C4orf54: variants seen among roughly 807,000 people sequenced by gnomAD.
C4orf54 encodes the protein uncharacterized protein C4orf54.
In C4orf54, 67 loss-of-function variants were observed where a neutral mutation model predicts 80.1. That is an observed-to-expected ratio of 0.84 (90% CI 0.69 to 1.03). The LOEUF (loss-of-function observed/expected upper bound fraction) is 1.03, where lower values mean the gene tolerates loss of function less well. Among genes scored for constraint, C4orf54 ranks in the 50% least tolerant of loss-of-function variants. The pLI, the probability that C4orf54 is intolerant of heterozygous loss-of-function variation, is 0.00. For synonymous variants in C4orf54, 1,000 were observed against 917.0 expected, an observed-to-expected ratio of 1.09 and a Z score of -1.64; for missense variants, 2,434 against 2,253.5, an observed-to-expected ratio of 1.08 and a Z score of -1.62.
chr4:99,652,027 G>C lies in C4orf54; in HGVS notation c.2622C>G (p.Ser874=), dbSNP rs113040434. Residue 874 remains serine, a synonymous_variant, in exon 2 of 3, where the codon TCC becomes TCG. Coordinates refer to ENST00000511828, the MANE Select transcript of C4orf54 (RefSeq NM_001354435.2). ...CGGACATGCTGACCACTGTGTACTC[G>C]GAGCCGGCCTCGGAGTGACGAGAGC... ...RQSSRHSEAG[S]EYTVVSMSDA... is the part of the protein sequence containing the mutation. The C allele has an allele frequency of 4.7e-3, 7,231 of 1,536,080 alleles. 279 individuals carry two copies. In the African/African-American group the frequency reaches 0.089, roughly 19 times the overall value.
intron 2 of C4orf54, among the ~76,000 whole-genome samples, chr4:99,643,068 C>T (rs903759889): frequency 6.6e-6 from 1 of 152,192 alleles, no homozygotes; most frequent in African/African-American, 2.4e-5. Flanking sequence ...GTCCATGATG[C>T]TTACCCTGGG....
At position 99,653,452 on chromosome 4, in the gene C4orf54, C is replaced by G; in HGVS notation, c.1197G>C (p.Val399=). Reference sequence around the variant, plus strand: ...AAGCATAATCCACGAACGAGTAGATCACGTTGTTGTCCTCGAAATCCCAGC... The same window carrying G: ...AAGCATAATCCACGAACGAGTAGATGACGTTGTTGTCCTCGAAATCCCAGC... The part of the protein sequence containing the change: ...ASRWDFEDNN[V]IYSFVDYASF... The change falls in exon 2 of 3, where the codon GTG becomes GTC. Residue 399 remains valine, a synonymous_variant. Coordinates refer to ENST00000511828, the MANE Select transcript of C4orf54 (RefSeq NM_001354435.2). The G allele has an allele frequency of 6.5e-7, 1 of 1,536,098 alleles. No homozygotes were observed. The highest frequency in any genetic ancestry group is 2.0e-5 in the Admixed American group (1 of 51,000).
rs1726533670 is a variant in C4orf54 at position 99,637,800 on chromosome 4, A to G, written c.*3433T>C. On this transcript the variant is annotated 3_prime_UTR_variant, in exon 3 of 3. Coordinates refer to ENST00000511828, the MANE Select transcript of C4orf54 (RefSeq NM_001354435.2). Reference sequence around the variant, plus strand: ...AAACCTACACCTTGTAAACTGTAGAATGAAACTCCTCAAGCACCACATAAG... The same window carrying G: ...AAACCTACACCTTGTAAACTGTAGAGTGAAACTCCTCAAGCACCACATAAG... 1 of 152,274 alleles carries G rather than the reference A, an allele frequency of 6.6e-6. No individual in the cohort carries two copies. The highest frequency in any genetic ancestry group is 2.1e-4 in the South Asian group (1 of 4,826). The allele number at this position is 152,274 out of a possible 1,614,324, so 9.4% of individuals were successfully genotyped here. A position where few individuals can be genotyped will look rare whatever the true frequency, so the allele number is the denominator to read the frequency against.
intron 2 of C4orf54, among the ~76,000 whole-genome samples, chr4:99,641,448 C>A (rs1578266963): frequency 6.6e-6 from 1 of 152,050 alleles, no homozygotes; most frequent in South Asian, 2.1e-4. Context: ...ATCAACTCTT[C>A]AAAAATGACT....
Position 99,638,678 on chromosome 4 carries a change from C to T in C4orf54, c.*2555G>A, listed in dbSNP as rs1255583140. The T allele has an allele frequency of 6.6e-6, 1 of 152,092 alleles. No individual in the cohort carries two copies. The highest frequency in any genetic ancestry group is 1.9e-4 in the East Asian group (1 of 5,198). 9.4% of individuals were successfully genotyped at this position (152,092 alleles called of 1,614,324 possible). ...CTATAAAAGGAAGGGTATATCACTT[C>T]ATTCAAATATTCATGCAACCTCAAG... On this transcript the variant is annotated 3_prime_UTR_variant, in exon 3 of 3. Transcript: ENST00000511828.
At chr4:99,641,942 C>G (rs1726614033) in intron 2 of C4orf54, among the ~76,000 whole-genome samples, 1 of 151,994 alleles carries the variant, frequency 6.6e-6, no homozygotes, top group Non-Finnish European at 1.5e-5. Flanking sequence ...AAAATAACCT[C>G]CAAGAAGTAT....
rs1488281473 is a variant in C4orf54 at position 99,654,134 on chromosome 4, T to G, written c.515A>C (p.Gln172Pro). The G allele has an allele frequency of 4.6e-6, 7 of 1,536,040 alleles. No individual in the cohort carries two copies. Among genetic ancestry groups the G allele is most frequent in the Non-Finnish European group, 8.7e-7 (1 of 1,146,918 alleles). ...GDGVSSAQDS[Q>P]ELKQQLWPLP... The stretch of plus-strand genomic sequence containing the variant: ...TGGCCACAGCTGCTGCTTGAGCTCC[T>G]GGCTGTCTTGAGCACTGCTCACCCC... Residue 172 changes from glutamine to proline, a missense_variant, in exon 2 of 3, where the codon CAG becomes CCG. Coordinates refer to ENST00000511828, the MANE Select transcript of C4orf54 (RefSeq NM_001354435.2).
chr4:99,650,447 C>G lies in C4orf54; in HGVS notation c.4202G>C (p.Ser1401Thr), dbSNP rs1726790806. 1 of 1,536,116 alleles carries G rather than the reference C, an allele frequency of 6.5e-7. No homozygotes were observed. The highest frequency in any genetic ancestry group is 2.4e-5 in the East Asian group (1 of 40,902). ...CCCAGTTTTCTGGATGCTGCTGGCA[C>G]TCACTGTGAACACGTTCCGGTTGCT... ...LPSNRNVFTVSASSIQKTGGV... is the reference protein window; with the variant it reads ...LPSNRNVFTVTASSIQKTGGV... Residue 1401 changes from serine to threonine, a missense_variant, in exon 2 of 3, where the codon AGT becomes ACT. Transcript: ENST00000511828.
chr4:99,639,651 A>G lies in C4orf54; in HGVS notation c.*1582T>C. 1 of 152,132 alleles carries G rather than the reference A, an allele frequency of 6.6e-6. No homozygotes were observed. Among genetic ancestry groups the G allele is most frequent in the East Asian group, 1.9e-4 (1 of 5,196 alleles). 9.4% of individuals were successfully genotyped at this position (152,132 alleles called of 1,614,324 possible). On this transcript the variant is annotated 3_prime_UTR_variant, in exon 3 of 3. Coordinates refer to ENST00000511828, the MANE Select transcript of C4orf54 (RefSeq NM_001354435.2). The stretch of plus-strand genomic sequence containing the variant: ...CCTCAAACCTTTCCCTATACCCAAG[A>G]GAACTTTTTTTCAGAGTAAGATCCC...
rs1726835640 is a variant in C4orf54, at chr4:99,651,771, G to A, written c.2878C>T (p.Pro960Ser). The A allele has an allele frequency of 2.6e-6, 4 of 1,535,902 alleles. No individual in the cohort carries two copies. Among genetic ancestry groups the A allele is most frequent in the Middle Eastern group, 1.7e-4 (1 of 6,012 alleles). Residue 960 changes from proline (P) to serine (S), a missense_variant, in exon 2 of 3, where the codon CCT becomes TCT. Physicochemically the swap from Pro to Ser is moderately conservative, Grantham distance 74. Coordinates refer to ENST00000511828, the MANE Select transcript of C4orf54 (RefSeq NM_001354435.2). ...TTGGGCAGCTTCAGCTTCCCTATAGGGGCTTGTTCCTCCCTCTTCTCGGCC... is the reference window on the plus strand; with the variant it reads ...TTGGGCAGCTTCAGCTTCCCTATAGAGGCTTGTTCCTCCCTCTTCTCGGCC... ...KEAEKREEQA[P>S]IGKLKLPKGG...
rs544529174 is a variant in C4orf54, at chr4:99,646,697, T to G, written c.*36+2534A>C. On this transcript the variant is annotated intron_variant, in intron 2 of 2. Transcript: ENST00000511828. ...GAAATACTGTGGTCAGATAAAATCA[T>G]TTACACAAATTCTCATTTGAAAAGA... 7.3e-3 allele frequency among the ~76,000 whole-genome samples: 1,111 copies of G among 152,308 alleles called. 14 individuals are homozygous for G. Among genetic ancestry groups the G allele is most frequent in the South Asian group, 0.015 (71 of 4,826 alleles).
Position 99,636,696 on chromosome 4 carries a change from C to T in C4orf54, c.*4537G>A, listed in dbSNP as rs1347023527. 6.6e-6 allele frequency: 1 copy of T among 152,114 alleles called. No homozygotes were observed. 9.4% of individuals were successfully genotyped at this position (152,114 alleles called of 1,614,324 possible). On this transcript the variant is annotated 3_prime_UTR_variant, in exon 3 of 3. Transcript: ENST00000511828. ...GAATCCTTGTCTAAATAGTTTACTC[C>T]ATATTCAATGCACTGAAAATGTGAT...
Position 99,651,135 on chromosome 4 carries a change from C to T in C4orf54, c.3514G>A (p.Glu1172Lys). Reference sequence around the variant, plus strand: ...CTGCCGCCCCCTTTGCCCATGCTTTCCCTGGGCTCTCGGTCCATGCTGTCT... The same window carrying T: ...CTGCCGCCCCCTTTGCCCATGCTTTTCCTGGGCTCTCGGTCCATGCTGTCT... ...REDSMDREPRESMGKGGGSRV... is the reference protein window; with the variant it reads ...REDSMDREPRKSMGKGGGSRV... Residue 1172 changes from glutamate to lysine, a missense_variant, in exon 2 of 3, where the codon GAA becomes AAA. Transcript: ENST00000511828. 1 of 1,536,172 alleles carries T rather than the reference C, an allele frequency of 6.5e-7. No homozygotes were observed. Among genetic ancestry groups the T allele is most frequent in the Non-Finnish European group, 8.7e-7 (1 of 1,146,920 alleles).
rs1416651393 is a variant in C4orf54, at chr4:99,637,401, G to A, written c.*3832C>T. 1.3e-5 allele frequency: 2 copies of A among 152,108 alleles called. No individual in the cohort carries two copies. Among genetic ancestry groups the A allele is most frequent in the East Asian group, 3.8e-4 (2 of 5,196 alleles). 9.4% of individuals were successfully genotyped at this position (152,108 alleles called of 1,614,324 possible). On this transcript the variant is annotated 3_prime_UTR_variant, in exon 3 of 3. Transcript: ENST00000511828. ...CTTCCCCTGGGCCTAGTACTCACAC[G>A]TGCCACAGACGGACATGTTTTTTTC...
Position 99,654,447 on chromosome 4 carries a change from T to C in C4orf54, c.202A>G (p.Arg68Gly). Residue 68 changes from arginine to glycine, a missense_variant, in exon 2 of 3, where the codon AGG becomes GGG. By Grantham distance (125) the Arg-to-Gly change is moderately radical. Coordinates refer to ENST00000511828, the MANE Select transcript of C4orf54 (RefSeq NM_001354435.2). ...AGCCTGAGGGAGGTGGGAAGGCTCC[T>C]GGATGAGGCGGTGGAGGTGGTCTGT... ...QPQTTSTASS[R>G]SLPTSLRLAA... 4.1e-6 allele frequency: 3 copies of C among 723,722 alleles called. No individual in the cohort carries two copies. The highest frequency in any genetic ancestry group is 7.4e-6 in the Non-Finnish European group (3 of 404,012). The allele number at this position is 723,722 out of a possible 1,614,324, so 44.8% of individuals were successfully genotyped here.
At chr4:99,657,367 A>C (rs1578280122) in intron 1 of C4orf54, among the ~76,000 whole-genome samples, 128 bp downstream of exon 1, 2 of 152,370 alleles carry the variant, frequency 1.3e-5, no homozygotes, top group African/African-American at 4.8e-5. Flanking sequence ...GTAGGTTAAA[A>C]CATAATTGCT....
In C4orf54 at chr4:99,653,923, G is replaced by T; in HGVS notation, c.726C>A (p.Ser242Arg). ...GGGAGGAGGCAGGATTGTTCTGGGG[G>T]CTTGGAGTCTTGCTGCTGGGTTCAT... The part of the protein sequence containing the change: ...AQDEPSSKTP[S>R]PQNNPASSQL... The change falls in exon 2 of 3, where the codon AGC (serine) becomes AGA (arginine). Residue 242 changes from serine to arginine, a missense_variant. Transcript: ENST00000511828. The T allele has an allele frequency of 6.5e-7, 1 of 1,536,278 alleles. No individual in the cohort carries two copies. Among genetic ancestry groups the T allele is most frequent in the South Asian group, 1.2e-5 (1 of 84,068 alleles).
chr4:99,646,919 G>T (rs924651781), intron 2 of C4orf54, among the ~76,000 whole-genome samples: 1 of 152,098 alleles, frequency 6.6e-6, no homozygotes, highest in Non-Finnish European at 1.5e-5. Context: ...TTGGAAGGTG[G>T]TATTGAATGT....
chr4:99,641,890 C>A (rs1726612927), intron 2 of C4orf54, among the ~76,000 whole-genome samples: 1 of 151,944 alleles, frequency 6.6e-6, no homozygotes, highest in Admixed American at 6.6e-5. Context: ...AATAGAGTGG[C>A]CTACAGGTAA....
Sources: allele counts gnomAD v4.1 joint callset (sites outside exome capture counted in the v4.1 genomes callset), GRCh38; gene constraint gnomAD v4.1.1; transcripts MANE v1.5; gene names NCBI Gene and HGNC (gene_info 2026-07-23, HGNC 2026-07-21).